The following HS3ST5 variants were observed in gnomAD, a reference collection of about 807,000 sequenced individuals.
HS3ST5 encodes the protein heparan sulfate-glucosamine 3-sulfotransferase 5, also known as heparan sulfate glucosamine 3-O-sulfotransferase 5.
A neutral mutation model predicts 25.4 loss-of-function variants in HS3ST5; 10 were observed. That is an observed-to-expected ratio of 0.39 (90% CI 0.24 to 0.67). The LOEUF is 0.67. HS3ST5 is among the 30% of genes least tolerant of loss of function. HS3ST5 has a pLI of 0.44. For synonymous variants in HS3ST5, 170 were observed against 162.4 expected (o/e 1.05, Z -0.36); for missense variants, 324 against 420.7 (o/e 0.77, Z 2.01).
At chr6:114,161,521 TTATATATATATATATATATATATATA>T (rs59921019) in intron 3 of HS3ST5, among the ~76,000 whole-genome samples, 1,249 of 33,568 alleles carry the variant, frequency 0.037, 70 homozygotes, top group Non-Finnish European at 0.052. Context: ...TCCTGAAGTT[TTATATATATATATATATATATATATA>T]TATATATATA....
chr6:114,090,321 C>T (rs1207045539), intron 3 of HS3ST5, among the ~76,000 whole-genome samples: 1 of 152,120 alleles, frequency 6.6e-6, no homozygotes, highest in Non-Finnish European at 1.5e-5. Context: ...TACTTTGTAA[C>T]AAATTGTGTC....
At chr6:114,076,272 A>G (rs372492134) in intron 3 of HS3ST5, among the ~76,000 whole-genome samples, 8 of 152,280 alleles carry the variant, frequency 5.3e-5, no homozygotes, top group Admixed American at 3.9e-4. Context: ...GTTTTTTCCT[A>G]GAAACAAAGG....
At chr6:114,335,043 C>A (rs1776552365) in intron 1 of HS3ST5, among the ~76,000 whole-genome samples, 1 of 152,002 alleles carries the variant, frequency 6.6e-6, no homozygotes, top group African/African-American at 2.4e-5. Flanking sequence ...CCCAGAAATC[C>A]ACAGAAAATA....
intron 1 of HS3ST5, among the ~76,000 whole-genome samples, chr6:114,311,539 C>CTTTTTTTTTT (rs11463610): frequency 1.3e-4 from 11 of 84,880 alleles, no homozygotes; most frequent in Admixed American, 5.4e-4. Flanking sequence ...TTCTCTCTCT[C>CTTTTTTTTTT]TTTTTTTTTT....
Position 114,057,160 on chromosome 6 carries a change from A to T in HS3ST5, c.*97T>A. ...ATGTACAAATATACATGGAAAAATG[A>T]CTTGGATAGCTCTGCCTAGGAAAAG... On this transcript the variant is annotated 3_prime_UTR_variant, in exon 5 of 5. Transcript: ENST00000312719. 1 of 835,092 alleles carries T rather than the reference A, an allele frequency of 1.2e-6. No individual in the cohort carries two copies. The highest frequency in any genetic ancestry group is 1.9e-6 in the Non-Finnish European group (1 of 518,374). The allele number at this position is 835,092 out of a possible 1,614,324, so 51.7% of individuals were successfully genotyped here.
intron 1 of HS3ST5, among the ~76,000 whole-genome samples, chr6:114,322,994 T>C (rs1316234451): frequency 6.6e-6 from 1 of 152,186 alleles, no homozygotes; most frequent in Admixed American, 6.6e-5. Context: ...TGATCTCTTT[T>C]CATTCCTGAT....
chr6:114,322,852 G>T (rs753824246), intron 1 of HS3ST5, among the ~76,000 whole-genome samples: 1 of 152,266 alleles, frequency 6.6e-6, no homozygotes, highest in South Asian at 2.1e-4. Context: ...CCACCCGGGG[G>T]TAGGAAAATT....
chr6:114,058,312 C>A, intron 4 of HS3ST5, 122 bp from the exon 5 acceptor site: 1 of 693,084 alleles, frequency 1.4e-6, no homozygotes, highest in Non-Finnish European at 2.4e-6. Flanking sequence ...CTGCTGCAAT[C>A]CATAATGAAC....
intron 2 of HS3ST5, among the ~76,000 whole-genome samples, chr6:114,190,477 G>A (rs574853758): frequency 6.6e-6 from 1 of 152,160 alleles, no homozygotes; most frequent in Non-Finnish European, 1.5e-5. Flanking sequence ...ACATGTGTGT[G>A]CCTTTTAAAA....
chr6:114,341,228 A>AGGGGGG (rs538030550), intron 1 of HS3ST5, among the ~76,000 whole-genome samples: 1 of 130,378 alleles, frequency 7.7e-6, no homozygotes, highest in African/African-American at 3.0e-5. Flanking sequence ...AGGGGGAGAG[A>AGGGGGG]GAGAGAGAGA....
chr6:114,156,073 T>G (rs893292938), intron 3 of HS3ST5, among the ~76,000 whole-genome samples: 3 of 152,234 alleles, frequency 2.0e-5, no homozygotes, highest in Non-Finnish European at 4.4e-5. Flanking sequence ...ATGTCTTCTC[T>G]TAACTCACAA....
chr6:114,059,034 G>C (rs1481146743), intron 4 of HS3ST5: 4 of 152,124 alleles, frequency 2.6e-5, no homozygotes, highest in Non-Finnish European at 5.9e-5. Context: ...GAGTGCAATG[G>C]ATATAGCCAG....
intron 1 of HS3ST5, among the ~76,000 whole-genome samples, chr6:114,230,529 C>T (rs899876213): frequency 6.6e-6 from 1 of 151,288 alleles, no homozygotes; most frequent in Non-Finnish European, 1.5e-5. Flanking sequence ...GGCAGAGACT[C>T]TTTAATAGAT....
chr6:114,223,654 T>G (rs765018235), intron 2 of HS3ST5, among the ~76,000 whole-genome samples: 1 of 151,778 alleles, frequency 6.6e-6, no homozygotes, highest in Non-Finnish European at 1.5e-5. Flanking sequence ...AAAAAAGTTT[T>G]ATGCATACGT....
rs186532622 is a variant in HS3ST5, at chr6:114,256,004, T to A, written c.-338-27226A>T. Among the ~76,000 whole-genome samples, 23 of 152,314 alleles carry A rather than the reference T, an allele frequency of 1.5e-4. No homozygotes were observed. The East Asian group carries it at 4.2e-3, about 28-fold the overall frequency. On this transcript the variant is annotated intron_variant, in intron 1 of 4. Coordinates refer to ENST00000312719, the MANE Select transcript of HS3ST5 (RefSeq NM_153612.4). ...TTCTCCTCAGAAAATGGGTTTTTCT[T>A]TTCTATCACATCGTCAGGCTGCAAT...
At chr6:114,306,267 A>G (rs773587049) in intron 1 of HS3ST5, among the ~76,000 whole-genome samples, 3 of 146,526 alleles carry the variant, frequency 2.0e-5, no homozygotes, top group Non-Finnish European at 3.0e-5. Context: ...ACACACACAC[A>G]CACACACACA....
At chr6:114,126,571 A>G (rs1201936759) in intron 3 of HS3ST5, among the ~76,000 whole-genome samples, 1 of 152,228 alleles carries the variant, frequency 6.6e-6, no homozygotes, top group Non-Finnish European at 1.5e-5. Context: ...GCTGACCTCA[A>G]AAGATTATTT....
At chr6:114,099,009 A>G (rs968223644) in intron 3 of HS3ST5, among the ~76,000 whole-genome samples, 3 of 152,154 alleles carry the variant, frequency 2.0e-5, no homozygotes, top group African/African-American at 4.8e-5. Flanking sequence ...ATATACCCGA[A>G]GTTAAATAAC....
At chr6:114,322,362 A>G (rs1382686661) in intron 1 of HS3ST5, among the ~76,000 whole-genome samples, 1 of 152,172 alleles carries the variant, frequency 6.6e-6, no homozygotes, top group East Asian at 1.9e-4. Context: ...TATTGTCTGC[A>G]CAACCTTTCC....
Sources: allele counts gnomAD v4.1 joint callset (sites outside exome capture counted in the v4.1 genomes callset), GRCh38; gene constraint gnomAD v4.1.1; transcripts MANE v1.5; gene names NCBI Gene and HGNC (gene_info 2026-07-23, HGNC 2026-07-21).